ATP9B: variants seen among roughly 807,000 people sequenced by gnomAD.
ATP9B encodes probable phospholipid-transporting ATPase IIB.
In ATP9B, 110 loss-of-function variants were observed where a neutral mutation model predicts 146.1. The ratio of observed to expected loss-of-function variants is 0.75; its 90% confidence interval spans 0.65 to 0.88. The LOEUF is 0.88. ATP9B is among the 40% of genes least tolerant of loss of function. The pLI is 0.00. For synonymous variants in ATP9B, 604 were observed against 569.7 expected (o/e 1.06, Z -0.86); for missense variants, 1,499 against 1,496.4 (o/e 1.00, Z -0.03).
intron 9 of ATP9B, among the ~76,000 whole-genome samples, chr18:79,203,328 G>GCA (rs1252954771): frequency 5.9e-5 from 9 of 151,744 alleles, no homozygotes; most frequent in African/African-American, 2.2e-4. Context: ...AGAGGCAGGA[G>GCA]GGCGTAGAGG....
intron 19 of ATP9B, among the ~76,000 whole-genome samples, chr18:79,341,715 C>T (rs367814732): frequency 4.9e-4 from 71 of 145,118 alleles, no homozygotes; most frequent in South Asian, 1.8e-3. Flanking sequence ...CCTGCGTTGC[C>T]GACACACCAT....
At chr18:79,320,714 T>TC (rs1339632670) in intron 15 of ATP9B, among the ~76,000 whole-genome samples, 2 of 152,054 alleles carry the variant, frequency 1.3e-5, no homozygotes, top group Non-Finnish European at 2.9e-5. Flanking sequence ...CCTCCAGCCC[T>TC]CGTTGCTTGT....
chr18:79,302,871 A>G (rs1471672072), intron 13 of ATP9B, among the ~76,000 whole-genome samples: 1 of 152,204 alleles, frequency 6.6e-6, no homozygotes, highest in Non-Finnish European at 1.5e-5. Context: ...GTTTTTTTAA[A>G]AAATTAATGG....
chr18:79,100,168 C>T (rs1309093962), intron 2 of ATP9B, among the ~76,000 whole-genome samples: 4 of 152,082 alleles, frequency 2.6e-5, no homozygotes, highest in Non-Finnish European at 5.9e-5. Flanking sequence ...TGTGTTGAGA[C>T]TCGCTTTATG....
intron 26 of ATP9B, 76 bp downstream of exon 26, chr18:79,359,538 C>A: frequency 9.0e-7 from 1 of 1,115,500 alleles, no homozygotes; most frequent in Non-Finnish European, 1.3e-6. Flanking sequence ...AGAAACAGGC[C>A]AGTCAGGAGG....
chr18:79,266,469 CAAAGATCTTCAG>C (rs1447908355), intron 12 of ATP9B, among the ~76,000 whole-genome samples: 1 of 151,794 alleles, frequency 6.6e-6, no homozygotes, highest in Admixed American at 6.6e-5. Context: ...GTTTCTGCAG[CAAAGATCTTCAG>C]TATGTTGTTA....
rs779059940 is a variant in ATP9B at position 79,345,843 on chromosome 18, G to C, written c.2682+4G>C. ...TGGGATTGGGATTGAGGGAAAGGTAGGTTCGCCCTTTTATCAACACATTAG... is the reference window on the plus strand; with the variant it reads ...TGGGATTGGGATTGAGGGAAAGGTACGTTCGCCCTTTTATCAACACATTAG... On this transcript the variant is annotated splice_donor_region_variant and intron_variant, in intron 23 of 29. Transcript: ENST00000426216. 6.2e-7 allele frequency: 1 copy of C among 1,614,186 alleles called. No homozygotes were observed.
chr18:79,202,259 C>T (rs1037723854), intron 9 of ATP9B, among the ~76,000 whole-genome samples: 4 of 152,126 alleles, frequency 2.6e-5, no homozygotes, highest in African/African-American at 4.8e-5. Context: ...TGATTGATAT[C>T]GCTAATTTCA....
chr18:79,364,347 ACAGTAAT>A (rs1448408302), intron 26 of ATP9B: 1 of 152,222 alleles, frequency 6.6e-6, no homozygotes, highest in Non-Finnish European at 1.5e-5. Flanking sequence ...TTACTGTAAA[ACAGTAAT>A]CAGTTAGACA....
At chr18:79,141,776 T>G (rs1315106398) in intron 5 of ATP9B, among the ~76,000 whole-genome samples, 1 of 152,200 alleles carries the variant, frequency 6.6e-6, no homozygotes, top group African/African-American at 2.4e-5. Context: ...ATTACTAGGA[T>G]CAGTTGTCAG....
intron 1 of ATP9B, chr18:79,095,715 C>T (rs189654359): frequency 6.6e-6 from 1 of 152,292 alleles, no homozygotes; most frequent in East Asian, 1.9e-4. Context: ...AGTAAGACAG[C>T]ACTTGTTGAA....
At chr18:79,374,247 A>G (rs2097090004) in intron 28 of ATP9B, 146 bp downstream of exon 28, 1 of 978,594 alleles carries the variant, frequency 1.0e-6, no homozygotes, top group Non-Finnish European at 1.5e-6. Flanking sequence ...CTGTCCCTGC[A>G]CCACGGATGA....
rs551305420 is a variant in ATP9B, at chr18:79,142,503, A to G, written c.668-1299A>G. On this transcript the variant is annotated intron_variant, in intron 5 of 29. Coordinates refer to ENST00000426216, the MANE Select transcript of ATP9B (RefSeq NM_198531.5). The stretch of plus-strand genomic sequence containing the variant: ...AGAGGGTGAAATTAGATGATGAAGT[A>G]GGAACTTTAGGTCAGTGGGGCATCT... 2.3e-3 allele frequency among the ~76,000 whole-genome samples: 346 copies of G among 152,328 alleles called. 1 individual carries two copies. Among genetic ancestry groups the G allele is most frequent in the African/African-American group, 7.8e-3 (324 of 41,586 alleles).
chr18:79,096,737 T>C, intron 2 of ATP9B, 88 bp downstream of exon 2: 3 of 1,068,262 alleles, frequency 2.8e-6, no homozygotes, highest in Non-Finnish European at 3.9e-6. Flanking sequence ...TATATTAATA[T>C]AAAAACTCAA....
chr18:79,254,056 G>A (rs1337857194), intron 12 of ATP9B: 1 of 152,164 alleles, frequency 6.6e-6, no homozygotes, highest in Non-Finnish European at 1.5e-5. Flanking sequence ...CCTATTTAAT[G>A]TAAAGACTAA....
At chr18:79,300,610 C>A (rs969887285) in intron 13 of ATP9B, among the ~76,000 whole-genome samples, 1 of 152,194 alleles carries the variant, frequency 6.6e-6, no homozygotes, top group African/African-American at 2.4e-5. Context: ...GGGCCGTGGA[C>A]AACAGCACCT....
At chr18:79,133,059 T>TTGTTTTGTTTTTAGTAGAGGCAGGG (rs1191582483) in intron 5 of ATP9B, among the ~76,000 whole-genome samples, 3 of 152,204 alleles carry the variant, frequency 2.0e-5, no homozygotes, top group Non-Finnish European at 2.9e-5. Flanking sequence ...TGTTTTTGTT[T>TTGTTTTGTTTTTAGTAGAGGCAGGG]TGTTTTGTTT....
intron 12 of ATP9B, among the ~76,000 whole-genome samples, chr18:79,255,470 A>G (rs1011807840): frequency 6.6e-6 from 1 of 152,222 alleles, no homozygotes; most frequent in Admixed American, 6.5e-5. Flanking sequence ...CTCCATACAC[A>G]TGAATGAGCC....
chr18:79,181,146 T>C (rs555865409), intron 8 of ATP9B, among the ~76,000 whole-genome samples: 5 of 152,290 alleles, frequency 3.3e-5, no homozygotes, highest in Non-Finnish European at 1.5e-5. Context: ...TCTTGAAGTT[T>C]TCATTTATCT....
Sources: gnomAD v4.1 joint callset for allele counts (sites outside exome capture counted in the v4.1 genomes callset) on GRCh38, gnomAD v4.1.1 for gene constraint, MANE v1.5 for transcripts, NCBI Gene and HGNC (gene_info 2026-07-23, HGNC 2026-07-21) for gene names.